The following ARB2A variants were observed in gnomAD, a reference collection of about 807,000 sequenced individuals.
The protein encoded by ARB2A is cotranscriptional regulator ARB2A.
chr5:93,628,239 T>C, the ARB2A span, among the ~76,000 whole-genome samples: 25 of 151,724 alleles, frequency 1.6e-4, no homozygotes, highest in Admixed American at 4.6e-4. Context: ...TTAGTAGAGA[T>C]GGGGTTTCAC....
chr5:93,926,429 G>A, the ARB2A span, among the ~76,000 whole-genome samples: 2 of 152,020 alleles, frequency 1.3e-5, no homozygotes, highest in African/African-American at 4.8e-5. Flanking sequence ...CACCGTGCCC[G>A]GCCTATATTT....
chr5:93,828,968 G>C, the ARB2A span, among the ~76,000 whole-genome samples: 1 of 152,034 alleles, frequency 6.6e-6, no homozygotes, highest in Non-Finnish European at 1.5e-5. Flanking sequence ...GTAGAGATGG[G>C]GTTTCGCCAT....
the ARB2A span, among the ~76,000 whole-genome samples, chr5:93,814,098 T>C: frequency 1.3e-5 from 2 of 152,176 alleles, no homozygotes; most frequent in African/African-American, 2.4e-5. Context: ...ACTTAAATGA[T>C]CAATTTTGTT....
the ARB2A span, among the ~76,000 whole-genome samples, chr5:94,001,862 C>A: frequency 6.6e-6 from 1 of 152,038 alleles, no homozygotes; most frequent in Non-Finnish European, 1.5e-5. Flanking sequence ...GTATAACTTG[C>A]AACTTTCTGA....
chr5:93,965,759 A>AT, the ARB2A span, among the ~76,000 whole-genome samples: 18 of 152,030 alleles, frequency 1.2e-4, no homozygotes, highest in African/African-American at 4.1e-4. Flanking sequence ...TCACAGGATG[A>AT]TTTTTTTAGA....
the ARB2A span, among the ~76,000 whole-genome samples, chr5:93,745,157 G>C: frequency 6.6e-6 from 1 of 152,134 alleles, no homozygotes; most frequent in Non-Finnish European, 1.5e-5. Context: ...ATCCACAAAT[G>C]ATAAGAAGCA....
At chr5:93,666,978 T>G in the ARB2A span, among the ~76,000 whole-genome samples, 1 of 152,334 alleles carries the variant, frequency 6.6e-6, no homozygotes, top group African/African-American at 2.4e-5. Flanking sequence ...TTTAAAATTT[T>G]TATTCCTTTG....
the ARB2A span, among the ~76,000 whole-genome samples, chr5:93,938,295 T>C: frequency 1.3e-5 from 2 of 152,228 alleles, no homozygotes; most frequent in Non-Finnish European, 2.9e-5. Context: ...ATTCCTTTAA[T>C]TTAATCACAA....
chr5:93,817,889 C>T, the ARB2A span, among the ~76,000 whole-genome samples: 2 of 151,964 alleles, frequency 1.3e-5, no homozygotes, highest in African/African-American at 4.8e-5. Flanking sequence ...TGGAGGAAAT[C>T]ATCAAGAAAG....
the ARB2A span, among the ~76,000 whole-genome samples, chr5:94,027,307 T>A: frequency 6.6e-6 from 1 of 152,198 alleles, no homozygotes. Flanking sequence ...ATGAGATGAC[T>A]GCTGGCAGGA....
the ARB2A span, among the ~76,000 whole-genome samples, chr5:93,988,500 C>G: frequency 6.6e-5 from 10 of 152,126 alleles, no homozygotes; most frequent in African/African-American, 2.4e-4. Flanking sequence ...TTAACATCTC[C>G]CTTGCCTGGC....
the ARB2A span, among the ~76,000 whole-genome samples, chr5:93,808,276 G>A: frequency 3.3e-5 from 5 of 151,808 alleles, no homozygotes; most frequent in Admixed American, 1.3e-4. Flanking sequence ...GAAATACTCA[G>A]CATTACTTTT....
At chr5:93,849,161 C>T in the ARB2A span, among the ~76,000 whole-genome samples, 2 of 151,866 alleles carry the variant, frequency 1.3e-5, no homozygotes, top group Non-Finnish European at 2.9e-5. Flanking sequence ...ATTGGGAGCA[C>T]GTCGTAGCTC....
chr5:93,806,008 G>GAT, the ARB2A span: 1 of 912,262 alleles, frequency 1.1e-6, no homozygotes, highest in Non-Finnish European at 1.3e-6. Context: ...AGAAGCTTAA[G>GAT]ATATATATTC....
At chr5:93,805,025 T>C in the ARB2A span, 1 of 969,718 alleles carries the variant, frequency 1.0e-6, no homozygotes. Flanking sequence ...AATACATCTT[T>C]AGAGATTTTA....
chr5:94,096,759 A>G, the ARB2A span, among the ~76,000 whole-genome samples: 1 of 152,140 alleles, frequency 6.6e-6, no homozygotes, highest in African/African-American at 2.4e-5. Context: ...GTAAACTTCA[A>G]GCAAATCTTT....
the ARB2A span, chr5:94,074,895 C>T: frequency 3.4e-6 from 2 of 586,250 alleles, no homozygotes; most frequent in South Asian, 2.2e-5. Flanking sequence ...GATGCCTATG[C>T]CATAGTACTT....
chr5:93,907,132 A>G, the ARB2A span, among the ~76,000 whole-genome samples: 4 of 151,492 alleles, frequency 2.6e-5, no homozygotes, highest in Non-Finnish European at 5.9e-5. Flanking sequence ...GACTCTGCCA[A>G]TGATTCTGAG....
At chr5:93,673,907 C>T in the ARB2A span, among the ~76,000 whole-genome samples, 1 of 152,024 alleles carries the variant, frequency 6.6e-6, no homozygotes, top group South Asian at 2.1e-4. Flanking sequence ...ACTGCACATA[C>T]TCACAGAGAA....
Sources: gnomAD v4.1 joint callset for allele counts (sites outside exome capture counted in the v4.1 genomes callset) on GRCh38, gnomAD v4.1.1 for gene constraint, MANE v1.5 for transcripts, NCBI Gene and HGNC (gene_info 2026-07-23, HGNC 2026-07-21) for gene names.